The following CFAP96 variants were observed in gnomAD, a reference collection of about 807,000 sequenced individuals.
CFAP96 encodes cilia-and flagella-associated protein 96.
At chr4:185,422,586 C>T in the CFAP96 span, 3 of 1,520,064 alleles carry the variant, frequency 2.0e-6, no homozygotes, top group South Asian at 2.4e-5. Flanking sequence ...AAGATAAAGA[C>T]AAACTCCCTT....
At chr4:185,432,265 T>G in the CFAP96 span, 2 of 1,278,106 alleles carry the variant, frequency 1.6e-6, no homozygotes, top group African/African-American at 3.0e-5. Context: ...AATTAAATAT[T>G]TGTTTTTCTG....
chr4:185,410,168 A>C, the CFAP96 span, among the ~76,000 whole-genome samples: 1 of 152,242 alleles, frequency 6.6e-6, no homozygotes, highest in Non-Finnish European at 1.5e-5. Flanking sequence ...AAAAGCAAAA[A>C]AGAAAAATAA....
At chr4:185,448,509 T>A in the CFAP96 span, among the ~76,000 whole-genome samples, 4 of 152,222 alleles carry the variant, frequency 2.6e-5, no homozygotes, top group Non-Finnish European at 4.4e-5. Flanking sequence ...TCACATTTTC[T>A]GAATTAACAA....
At chr4:185,414,972 T>C in the CFAP96 span, among the ~76,000 whole-genome samples, 2 of 152,220 alleles carry the variant, frequency 1.3e-5, no homozygotes, top group African/African-American at 4.8e-5. Context: ...TAACATTTTG[T>C]CATTAATACT....
At chr4:185,412,779 C>T in the CFAP96 span, among the ~76,000 whole-genome samples, 1 of 152,092 alleles carries the variant, frequency 6.6e-6, no homozygotes, top group Non-Finnish European at 1.5e-5. Context: ...TTGAGAGAGA[C>T]TGAAGACACC....
the CFAP96 span, among the ~76,000 whole-genome samples, chr4:185,409,777 T>C: frequency 6.6e-6 from 1 of 152,170 alleles, no homozygotes; most frequent in East Asian, 1.9e-4. Flanking sequence ...TCCTGGATCC[T>C]AGTGTGCCCT....
the CFAP96 span, among the ~76,000 whole-genome samples, chr4:185,425,556 T>A: frequency 6.6e-6 from 1 of 152,232 alleles, no homozygotes; most frequent in Non-Finnish European, 1.5e-5. Context: ...AAGTTGCGCC[T>A]GTCCCAGGTT....
At chr4:185,426,424 G>A in the CFAP96 span, 1 of 153,250 alleles carries the variant, frequency 6.5e-6, no homozygotes, top group East Asian at 1.9e-4. Context: ...GACGCCAGGT[G>A]TTGCCCCTTA....
the CFAP96 span, among the ~76,000 whole-genome samples, chr4:185,417,044 A>T: frequency 6.6e-6 from 1 of 152,210 alleles, no homozygotes; most frequent in Non-Finnish European, 1.5e-5. Context: ...ATAAGGGAAA[A>T]AATAGTACCT....
chr4:185,449,745 C>A, the CFAP96 span: 1 of 744,650 alleles, frequency 1.3e-6, no homozygotes, highest in South Asian at 2.3e-5. Flanking sequence ...GCAGATAGCT[C>A]AAGCAGTTAA....
chr4:185,410,008 C>A, the CFAP96 span, among the ~76,000 whole-genome samples: 1 of 152,086 alleles, frequency 6.6e-6, no homozygotes, highest in African/African-American at 2.4e-5. Flanking sequence ...AGAACTGAGA[C>A]AATACATTTT....
chr4:185,430,293 C>T, the CFAP96 span, among the ~76,000 whole-genome samples: 131,712 of 152,240 alleles, frequency 0.87, 57,555 homozygotes, highest in East Asian at 0.99. Flanking sequence ...ATTACTTCTA[C>T]ATAATAATAC....
the CFAP96 span, among the ~76,000 whole-genome samples, chr4:185,443,320 G>GTATATATATATATA: frequency 1.4e-4 from 8 of 55,990 alleles, no homozygotes; most frequent in African/African-American, 2.5e-4. Flanking sequence ...TATTTTTTAT[G>GTATATATATATATA]TATATATATA....
chr4:185,422,111 TGTA>T, the CFAP96 span, among the ~76,000 whole-genome samples: 2 of 152,324 alleles, frequency 1.3e-5, no homozygotes, highest in East Asian at 1.9e-4. Flanking sequence ...CCCCATATAA[TGTA>T]GTATTTAAGA....
At chr4:185,417,362 C>G in the CFAP96 span, among the ~76,000 whole-genome samples, 6 of 152,222 alleles carry the variant, frequency 3.9e-5, no homozygotes, top group Non-Finnish European at 8.8e-5. Flanking sequence ...ATCTGTAAAT[C>G]TAACAGCTCA....
chr4:185,436,338 T>G, the CFAP96 span: 13 of 1,549,852 alleles, frequency 8.4e-6, no homozygotes, highest in Middle Eastern at 1.7e-4. Flanking sequence ...ACTTCTATGA[T>G]GCAGCAAAAC....
the CFAP96 span, chr4:185,429,302 T>C: frequency 1.8e-6 from 1 of 571,180 alleles, no homozygotes; most frequent in Non-Finnish European, 2.9e-6. Flanking sequence ...TCTAAACTTT[T>C]CCCCTTTATT....
At chr4:185,411,445 A>T in the CFAP96 span, among the ~76,000 whole-genome samples, 1 of 152,216 alleles carries the variant, frequency 6.6e-6, no homozygotes, top group Non-Finnish European at 1.5e-5. Flanking sequence ...ACAAAATAAG[A>T]ACAGTATGAG....
the CFAP96 span, among the ~76,000 whole-genome samples, chr4:185,430,672 G>C: frequency 6.6e-6 from 1 of 152,078 alleles, no homozygotes; most frequent in East Asian, 1.9e-4. Context: ...GGAGGTGGTG[G>C]CAGGAGGATT....
Sources: allele counts gnomAD v4.1 joint callset (sites outside exome capture counted in the v4.1 genomes callset), GRCh38; gene constraint gnomAD v4.1.1; transcripts MANE v1.5; gene names NCBI Gene and HGNC (gene_info 2026-07-23, HGNC 2026-07-21).